Variants in DMD observed in about 807,000 individuals in gnomAD.
The protein encoded by DMD is dystrophin.
In DMD, 63 loss-of-function variants were observed where a neutral mutation model predicts 330.1. The ratio of observed to expected loss-of-function variants is 0.19; its 90% CI spans 0.16 to 0.24. The LOEUF is 0.24. Among genes scored for constraint, DMD ranks in the 10% least tolerant of loss-of-function variants. DMD has a pLI of 1.00. For missense variants in DMD, 3,344 were observed against 2,684.1 expected, an observed-to-expected ratio of 1.25 and a Z score of -5.43; for synonymous variants, 1,223 against 959.8, an observed-to-expected ratio of 1.27 and a Z score of -5.07.
chrX:31,522,650 G>C (rs5927017), intron 55 of DMD, among the ~76,000 whole-genome samples: 14,426 of 108,935 alleles, frequency 0.13, 878 homozygotes, highest in Middle Eastern at 0.25. Flanking sequence ...TGAATGCAAG[G>C]ATAACATATA....
At chrX:32,578,225 TGTTTCTCTG>T (rs2053276889) in intron 13 of DMD, among the ~76,000 whole-genome samples, 1 of 112,416 alleles carries the variant, frequency 8.9e-6, no homozygotes, top group East Asian at 2.8e-4. Context: ...ACTTCAACTC[TGTTTCTCTG>T]AGTTTCTATT....
intron 44 of DMD, among the ~76,000 whole-genome samples, chrX:32,172,449 C>T (rs2096890974): frequency 9.0e-6 from 1 of 111,622 alleles, no homozygotes; most frequent in Non-Finnish European, 1.9e-5. Context: ...ACATCAGTTT[C>T]CGAATATGCC....
intron 4 of DMD, among the ~76,000 whole-genome samples, chrX:32,840,945 G>A (rs2080106434): frequency 2.7e-5 from 3 of 111,769 alleles, no homozygotes; most frequent in African/African-American, 9.8e-5. Flanking sequence ...GGTAAGAAAT[G>A]TGCATTTTCA....
At chrX:32,282,747 C>T (rs905933699) in intron 43 of DMD, among the ~76,000 whole-genome samples, 3 of 112,076 alleles carry the variant, frequency 2.7e-5, no homozygotes, top group East Asian at 2.8e-4. Flanking sequence ...ACGAGAAATA[C>T]GCAGATGTAC....
rs1603267973 is a variant in DMD, at chrX:31,266,937, C to G, written c.9225-5921G>C. ...CGCCGCCGCCGCCGCCGCCCAAGCT[C>G]ACAGCTGAAAGCACTGCGGAGGAGC... is the stretch of plus-strand genomic sequence containing the variant. On this transcript the variant is annotated intron_variant, in intron 62 of 78. Coordinates refer to ENST00000357033, the MANE Select transcript of DMD (RefSeq NM_004006.3). 13 of 1,148,036 alleles carry G rather than the reference C, an allele frequency of 1.1e-5. No individual in the cohort carries two copies. The East Asian group carries it at 3.9e-4, about 35-fold the overall frequency. The allele number at this position is 1,148,036 out of a possible 1,213,427, so 94.6% of individuals were successfully genotyped here.
At chrX:31,376,896 C>G (rs377752211) in intron 60 of DMD, among the ~76,000 whole-genome samples, 107 of 111,748 alleles carry the variant, frequency 9.6e-4, no homozygotes, top group African/African-American at 3.4e-3. Flanking sequence ...AGAGCTTGGT[C>G]CCCTGGAAAG....
At chrX:33,203,725 C>CT (rs1461281882) in intron 1 of DMD, among the ~76,000 whole-genome samples, 1 of 109,680 alleles carries the variant, frequency 9.1e-6, no homozygotes, top group Non-Finnish European at 1.9e-5. Context: ...TCTTCACACT[C>CT]TATTATCTTT....
intron 47 of DMD, among the ~76,000 whole-genome samples, chrX:31,910,556 A>G (rs950315606): frequency 2.0e-4 from 22 of 111,963 alleles, no homozygotes; most frequent in African/African-American, 5.8e-4. Context: ...AAGAAATAAA[A>G]TATTGGTACA....
chrX:32,190,664 T>C (rs61419142), intron 44 of DMD, among the ~76,000 whole-genome samples: 219 of 103,644 alleles, frequency 2.1e-3, no homozygotes, highest in African/African-American at 7.3e-3. Flanking sequence ...CATTAAAAAA[T>C]AAATTTATGC....
At chrX:31,262,313 C>A (rs1400663986) in intron 62 of DMD, among the ~76,000 whole-genome samples, 3 of 111,857 alleles carry the variant, frequency 2.7e-5, no homozygotes, top group Non-Finnish European at 5.6e-5. Context: ...TTAAGTCAAT[C>A]AAGGCGAAGA....
chrX:32,412,211 G>T (rs2098145622), intron 29 of DMD: 1 of 1,054,784 alleles, frequency 9.5e-7, no homozygotes, highest in South Asian at 1.9e-5. Context: ...CTCAGTCATT[G>T]CAATCTGTCT....
intron 52 of DMD, among the ~76,000 whole-genome samples, chrX:31,689,851 C>G (rs910309724): frequency 9.9e-5 from 11 of 111,410 alleles, no homozygotes; most frequent in Admixed American, 4.7e-4. Flanking sequence ...ACAAACCTGA[C>G]AAAAACAAGA....
intron 9 of DMD, among the ~76,000 whole-genome samples, chrX:32,650,193 A>G (rs1286917867): frequency 2.7e-5 from 3 of 112,106 alleles, no homozygotes; most frequent in Non-Finnish European, 5.6e-5. Context: ...ATCACTGAGC[A>G]GTTTTATATC....
At chrX:32,700,047 A>C (rs563875490) in intron 7 of DMD, among the ~76,000 whole-genome samples, 6 of 111,646 alleles carry the variant, frequency 5.4e-5, no homozygotes, top group African/African-American at 1.9e-4. Flanking sequence ...CTTTGTAATA[A>C]CACATATAAA....
chrX:32,631,645 T>C (rs1439932285), intron 11 of DMD, among the ~76,000 whole-genome samples: 1 of 111,315 alleles, frequency 9.0e-6, no homozygotes, highest in African/African-American at 3.3e-5. Context: ...CATGGCAAAT[T>C]GCGAAGGAGG....
rs760703246 is a variant in DMD, at chrX:31,147,298, T to C, written c.10774A>G (p.Arg3592Gly). 1 of 1,209,894 alleles carries C rather than the reference T, an allele frequency of 8.3e-7. No individual in the cohort carries two copies. ...ACTTGCTCCAGCAGCTGCCTTAGCC[T>C]GTGTAACTGTGACTCCAGCTGTTTA... is the stretch of plus-strand genomic sequence containing the variant. ...HNKQLESQLHRLRQLLEQPQA... is the reference protein window; with the variant it reads ...HNKQLESQLHGLRQLLEQPQA... Residue 3592 changes from arginine to glycine, a missense_variant, in exon 75 of 79, where the codon AGG (arginine) becomes GGG (glycine). Physicochemically the swap from Arg to Gly is moderately radical, Grantham distance 125. Transcript: ENST00000357033.
chrX:32,599,974 GACAA>G (rs2056006061), intron 12 of DMD, among the ~76,000 whole-genome samples: 1 of 112,039 alleles, frequency 8.9e-6, no homozygotes, highest in South Asian at 3.7e-4. Context: ...GCCTAGATTG[GACAA>G]ACAGTTTTTG....
At chrX:32,994,875 G>A (rs1248949766) in intron 2 of DMD, among the ~76,000 whole-genome samples, 1 of 112,437 alleles carries the variant, frequency 8.9e-6, no homozygotes, top group Non-Finnish European at 1.9e-5. Context: ...CACTTTGAGA[G>A]GCTAAAGCAG....
At chrX:32,660,983 AAGAG>A (rs890566466) in intron 9 of DMD, among the ~76,000 whole-genome samples, 4 of 111,431 alleles carry the variant, frequency 3.6e-5, no homozygotes, top group South Asian at 3.7e-4. Flanking sequence ...GCTAATAAAT[AAGAG>A]AGAGGCCTGA....
Sources: gnomAD v4.1 joint callset for allele counts (sites outside exome capture counted in the v4.1 genomes callset) on GRCh38, gnomAD v4.1.1 for gene constraint, MANE v1.5 for transcripts, NCBI Gene and HGNC (gene_info 2026-07-23, HGNC 2026-07-21) for gene names.